Variants in CDH13 observed in about 807,000 individuals in gnomAD.
CDH13 encodes the protein cadherin-13.
In CDH13, 24 loss-of-function variants were observed where a neutral mutation model predicts 63.8. The observed-to-expected ratio is 0.38, with a 90% CI of 0.27 to 0.53. CDH13 has a LOEUF of 0.53. Among genes scored for constraint, CDH13 ranks in the 20% least tolerant of loss-of-function variants. The pLI is 0.85. For missense variants in CDH13, 1,049 were observed against 903.1 expected (o/e 1.16, Z -2.07); for synonymous variants, 503 against 355.3 (o/e 1.42, Z -4.67).
chr16:83,762,526 C>G (rs1455685571), intron 11 of CDH13, among the ~76,000 whole-genome samples: 1 of 152,166 alleles, frequency 6.6e-6, no homozygotes. Context: ...AGTGTCAATA[C>G]CACTCCTGCC....
intron 2 of CDH13, among the ~76,000 whole-genome samples, chr16:82,980,416 C>A (rs1910109817): frequency 6.6e-6 from 1 of 152,134 alleles, no homozygotes; most frequent in East Asian, 1.9e-4. Context: ...AGCTATCCAG[C>A]CTGGTTTTCA....
intron 1 of CDH13, among the ~76,000 whole-genome samples, chr16:82,778,597 CT>C (rs905383664): frequency 8.6e-6 from 1 of 116,886 alleles, no homozygotes; most frequent in Non-Finnish European, 1.8e-5. Flanking sequence ...AAAAAAAGGT[CT>C]GCTTTATCTA....
intron 4 of CDH13, among the ~76,000 whole-genome samples, chr16:83,129,464 G>C (rs1208369962): frequency 1.3e-5 from 2 of 152,180 alleles, no homozygotes; most frequent in Non-Finnish European, 2.9e-5. Flanking sequence ...GAGAAGGGAA[G>C]GCAGCTAGGA....
chr16:83,747,301 G>A (rs769268228), intron 10 of CDH13, among the ~76,000 whole-genome samples: 6 of 152,082 alleles, frequency 3.9e-5, no homozygotes, highest in Non-Finnish European at 7.3e-5. Flanking sequence ...TCATAGGGGC[G>A]GGTCTTTCCC....
chr16:82,706,075 C>G (rs144406896), intron 1 of CDH13, among the ~76,000 whole-genome samples: 512 of 152,032 alleles, frequency 3.4e-3, no homozygotes, highest in African/African-American at 0.012. Flanking sequence ...CTCTCTCTTC[C>G]TCCCTTTCTT....
intron 5 of CDH13, among the ~76,000 whole-genome samples, chr16:83,323,532 C>T (rs980804859): frequency 1.3e-5 from 2 of 152,034 alleles, no homozygotes; most frequent in African/African-American, 2.4e-5. Flanking sequence ...CCACCTGCCT[C>T]AGCCTCCCAA....
intron 2 of CDH13, among the ~76,000 whole-genome samples, chr16:82,976,315 G>A (rs754739575): frequency 4.6e-5 from 7 of 152,068 alleles, no homozygotes; most frequent in Middle Eastern, 3.2e-3. Context: ...GGTGGGGGCC[G>A]ATTCTTCTTG....
intron 4 of CDH13, among the ~76,000 whole-genome samples, chr16:83,134,031 G>A (rs2036167926): frequency 6.6e-6 from 1 of 152,170 alleles, no homozygotes; most frequent in South Asian, 2.1e-4. Context: ...ATTAATTAAA[G>A]TGATCATAGC....
intron 5 of CDH13, among the ~76,000 whole-genome samples, chr16:83,328,991 A>G (rs2090427179): frequency 1.3e-5 from 2 of 152,162 alleles, no homozygotes; most frequent in African/African-American, 4.8e-5. Flanking sequence ...AGGTAGTCAA[A>G]TTTCCCTAAC....
intron 7 of CDH13, among the ~76,000 whole-genome samples, chr16:83,496,022 A>C (rs9924787): frequency 0.51 from 76,248 of 149,576 alleles, 19,957 homozygotes; most frequent in East Asian, 0.83. Context: ...ATACAAACAA[A>C]TGGAAGAACA....
chr16:83,505,862 G>A (rs181979389), intron 7 of CDH13, among the ~76,000 whole-genome samples: 176 of 152,318 alleles, frequency 1.2e-3, no homozygotes, highest in African/African-American at 3.9e-3. Context: ...CAGATATGAT[G>A]TGATTATTAA....
chr16:83,158,446 C>T (rs2037308406), intron 4 of CDH13, among the ~76,000 whole-genome samples: 1 of 152,272 alleles, frequency 6.6e-6, no homozygotes, highest in East Asian at 1.9e-4. Context: ...TGGAGGCTGC[C>T]CTTCCAGGGA....
intron 8 of CDH13, among the ~76,000 whole-genome samples, chr16:83,667,579 CA>C (rs1455917196): frequency 2.0e-5 from 3 of 152,108 alleles, no homozygotes; most frequent in African/African-American, 7.2e-5. Flanking sequence ...ACCATTATCA[CA>C]GTGCTAGGAC....
chr16:83,456,257 A>C (rs1424006800), intron 6 of CDH13, among the ~76,000 whole-genome samples: 3 of 152,232 alleles, frequency 2.0e-5, no homozygotes, highest in Non-Finnish European at 4.4e-5. Flanking sequence ...TGGCAGTTAC[A>C]GGTGTCTCTG....
chr16:83,379,471 T>G (rs2091516825), intron 6 of CDH13, among the ~76,000 whole-genome samples: 1 of 152,202 alleles, frequency 6.6e-6, no homozygotes, highest in African/African-American at 2.4e-5. Flanking sequence ...TACCTTTGCC[T>G]AAAAGGCAAC....
In CDH13 at chr16:83,377,319, C is replaced by G. The variant is rs148287601; in HGVS notation, c.781+32313C>G. Reference sequence around the variant, plus strand: ...ATATAAGACAAAAGGTTAAACCACACATCTGGCCCACACCCAGCCCCCAGT... The same window carrying G: ...ATATAAGACAAAAGGTTAAACCACAGATCTGGCCCACACCCAGCCCCCAGT... On this transcript the variant is annotated intron_variant, in intron 6 of 13. Transcript: ENST00000567109. Among the ~76,000 whole-genome samples the G allele has an allele frequency of 7.9e-5, 12 of 152,330 alleles. No individual in the cohort carries two copies. The East Asian group carries it at 2.3e-3, about 29-fold the overall frequency.
At chr16:83,310,626 T>C (rs1469930003) in intron 5 of CDH13, among the ~76,000 whole-genome samples, 1 of 152,224 alleles carries the variant, frequency 6.6e-6, no homozygotes, top group Non-Finnish European at 1.5e-5. Context: ...CTTTGCTCAC[T>C]TGGCTTCCTT....
At chr16:83,385,506 G>A (rs1156463482) in intron 6 of CDH13, among the ~76,000 whole-genome samples, 4 of 152,182 alleles carry the variant, frequency 2.6e-5, no homozygotes, top group Admixed American at 6.5e-5. Flanking sequence ...TAATCTCAGT[G>A]TCTTAATAAA....
intron 4 of CDH13, among the ~76,000 whole-genome samples, chr16:83,200,222 C>G (rs74031464): frequency 0.015 from 2,338 of 152,244 alleles, 50 homozygotes; most frequent in African/African-American, 0.053. Flanking sequence ...TGGGTGGCAG[C>G]CTTGTCCATC....
Sources: allele counts gnomAD v4.1 joint callset (sites outside exome capture counted in the v4.1 genomes callset), GRCh38; gene constraint gnomAD v4.1.1; transcripts MANE v1.5; gene names NCBI Gene and HGNC (gene_info 2026-07-23, HGNC 2026-07-21).